The following KAZN variants were observed in gnomAD, a reference collection of about 807,000 sequenced individuals.
KAZN encodes the protein kazrin, periplakin interacting protein, also known as kazrin.
A neutral mutation model predicts 87.4 loss-of-function variants in KAZN; 40 were observed. The observed-to-expected ratio is 0.46, with a 90% CI of 0.36 to 0.60. The LOEUF (loss-of-function observed/expected upper bound fraction) is 0.60, where lower values mean the gene tolerates loss of function less well. KAZN is among the 20% of genes least tolerant of loss of function. The pLI, the probability that KAZN is intolerant of heterozygous loss-of-function variation, is 0.00. For missense variants in KAZN, 898 were observed against 1,073.9 expected, an observed-to-expected ratio of 0.84 and a Z score of 2.29; for synonymous variants, 466 against 458.3, an observed-to-expected ratio of 1.02 and a Z score of -0.22.
intron 2 of KAZN, among the ~76,000 whole-genome samples, chr1:14,368,708 G>A (rs960263654): frequency 2.0e-5 from 3 of 152,134 alleles, no homozygotes; most frequent in African/African-American, 7.2e-5. Flanking sequence ...CTACGACCAT[G>A]CACCCAAACT....
chr1:14,703,966 A>G (rs577034989), intron 1 of KAZN, among the ~76,000 whole-genome samples: 84 of 152,370 alleles, frequency 5.5e-4, no homozygotes, highest in Non-Finnish European at 1.1e-3. Context: ...AATGTGGCTT[A>G]CATATGAGAG....
At chr1:14,864,065 C>G (rs1049929118) in intron 1 of KAZN, among the ~76,000 whole-genome samples, 10 of 152,162 alleles carry the variant, frequency 6.6e-5, no homozygotes, top group African/African-American at 2.4e-4. Flanking sequence ...GAAAAATCAG[C>G]TCGACTCAGT....
Position 14,524,017 on chromosome 1 carries a change from GT to G in KAZN, c.250-74962del, listed in dbSNP as rs756876530. ...GTTTTGTTTTGTTTTGTTTTGTTTT[GT>G]TTTGTTTTGTTTTGTTTTTATGAGA... On this transcript the variant is annotated intron_variant, in intron 2 of 16. Coordinates refer to the KAZN transcript ENST00000636203. Among the ~76,000 whole-genome samples the G allele has an allele frequency of 3.8e-3, 575 of 150,426 alleles. 4 individuals carry two copies. Among genetic ancestry groups the G allele is most frequent in the Non-Finnish European group, 6.9e-3 (465 of 67,880 alleles).
At chr1:14,146,771 A>T (rs777335545) in intron 1 of KAZN, among the ~76,000 whole-genome samples, 7 of 150,426 alleles carry the variant, frequency 4.7e-5, no homozygotes, top group Non-Finnish European at 1.0e-4. Flanking sequence ...CTTTTCTGGT[A>T]ACCTTTCATT....
At chr1:14,568,702 A>G (rs142573266) in intron 2 of KAZN, among the ~76,000 whole-genome samples, 3 of 152,258 alleles carry the variant, frequency 2.0e-5, no homozygotes, top group Middle Eastern at 3.4e-3. Flanking sequence ...TCAACAGCCA[A>G]CTCAGCCTCT....
intron 2 of KAZN, among the ~76,000 whole-genome samples, chr1:14,265,005 C>A (rs1045797624): frequency 1.3e-5 from 2 of 152,180 alleles, no homozygotes; most frequent in South Asian, 4.1e-4. Flanking sequence ...GTGATTTATA[C>A]ATACATGAAA....
At chr1:14,334,776 A>G (rs1296684406) in intron 2 of KAZN, among the ~76,000 whole-genome samples, 1 of 152,212 alleles carries the variant, frequency 6.6e-6, no homozygotes, top group Non-Finnish European at 1.5e-5. Flanking sequence ...TTGTGGGTTT[A>G]CACATGACAT....
At chr1:14,347,466 C>T (rs149557402) in intron 2 of KAZN, among the ~76,000 whole-genome samples, 25 of 152,228 alleles carry the variant, frequency 1.6e-4, no homozygotes, top group African/African-American at 2.9e-4. Context: ...AAGATCCACC[C>T]GGGTCCCCAG....
intron 2 of KAZN, among the ~76,000 whole-genome samples, chr1:14,239,455 CTTTT>C (rs386366265): frequency 2.1e-5 from 2 of 95,708 alleles, no homozygotes; most frequent in Admixed American, 1.3e-4. Flanking sequence ...AGTTGGGTTT[CTTTT>C]TTTTTTTTTT....
chr1:14,937,005 C>A (rs1319851962), intron 1 of KAZN, among the ~76,000 whole-genome samples: 1 of 152,206 alleles, frequency 6.6e-6, no homozygotes, highest in East Asian at 1.9e-4. Context: ...ATCTTCCCAC[C>A]CCGAACTAAG....
intron 1 of KAZN, among the ~76,000 whole-genome samples, chr1:14,064,233 C>T (rs1279004406): frequency 6.6e-6 from 1 of 152,176 alleles, no homozygotes; most frequent in East Asian, 1.9e-4. Context: ...TTTACATTGC[C>T]AGAAGAGAGC....
Position 15,079,449 on chromosome 1 carries a change from A to AT in KAZN, c.1222+13707dup, listed in dbSNP as rs1013634419. On this transcript the variant is annotated intron_variant, in intron 8 of 14. Transcript: ENST00000376030. ...TGTCACAATTCAATACTGTTGGCTT[A>AT]TTTTTTTTTTTAGTGAAACCCAACA... is the stretch of plus-strand genomic sequence containing the variant. 4.3e-3 allele frequency among the ~76,000 whole-genome samples: 638 copies of AT among 147,630 alleles called. 4 individuals are homozygous for AT. Among genetic ancestry groups the AT allele is most frequent in the African/African-American group, 0.014 (578 of 40,510 alleles).
chr1:14,663,514 T>C (rs1326884680), intron 1 of KAZN, among the ~76,000 whole-genome samples: 17 of 152,214 alleles, frequency 1.1e-4, no homozygotes. Context: ...CTAGTACATA[T>C]TTTGGAGCAG....
intron 2 of KAZN, among the ~76,000 whole-genome samples, chr1:14,413,121 A>G (rs1009465227): frequency 6.6e-6 from 1 of 150,466 alleles, no homozygotes; most frequent in Non-Finnish European, 1.5e-5. Flanking sequence ...AACTTAATCT[A>G]TGATAGTAGA....
intron 1 of KAZN, among the ~76,000 whole-genome samples, chr1:14,841,916 GCTGTGCTCCTGCCTTC>G (rs1282779825): frequency 1.3e-5 from 2 of 152,140 alleles, no homozygotes; most frequent in Non-Finnish European, 2.9e-5. Context: ...ATCCAGGCTA[GCTGTGCTCCTGCCTTC>G]AGGCTTTTGT....
At chr1:14,485,628 C>T (rs1300055172) in intron 2 of KAZN, among the ~76,000 whole-genome samples, 1 of 152,172 alleles carries the variant, frequency 6.6e-6, no homozygotes, top group African/African-American at 2.4e-5. Context: ...TGCGTGGTGG[C>T]TCACACCTGT....
chr1:14,695,751 A>G (rs530198011), intron 1 of KAZN, among the ~76,000 whole-genome samples: 1 of 151,700 alleles, frequency 6.6e-6, no homozygotes, highest in Non-Finnish European at 1.5e-5. Flanking sequence ...TGATCCACCC[A>G]TCTTGGCCTC....
chr1:14,712,163 T>G (rs1159816528), intron 1 of KAZN, among the ~76,000 whole-genome samples: 2 of 152,152 alleles, frequency 1.3e-5, no homozygotes, highest in African/African-American at 4.8e-5. Context: ...TTGAAGCAGG[T>G]AGCAGGGAGG....
intron 2 of KAZN, among the ~76,000 whole-genome samples, chr1:14,438,999 A>C (rs1385410950): frequency 6.6e-6 from 1 of 152,102 alleles, no homozygotes; most frequent in Non-Finnish European, 1.5e-5. Context: ...CATTCTAACA[A>C]CTGCCCATTG....
Sources: allele counts gnomAD v4.1 joint callset (sites outside exome capture counted in the v4.1 genomes callset), GRCh38; gene constraint gnomAD v4.1.1; transcripts MANE v1.5; gene names NCBI Gene and HGNC (gene_info 2026-07-23, HGNC 2026-07-21).